MYB: variants seen among roughly 807,000 people sequenced by gnomAD.
MYB encodes the protein transcriptional activator Myb.
MYB carries 28 observed loss-of-function variants against 92.9 expected under a neutral mutation model. The observed-to-expected ratio is 0.30, with a 90% CI of 0.22 to 0.41. The LOEUF (loss-of-function observed/expected upper bound fraction) is 0.41. MYB is among the 10% of genes least tolerant of loss of function. The pLI, the probability that MYB is intolerant of heterozygous loss-of-function variation, is 1.00. For synonymous variants in MYB, 295 were observed against 329.1 expected (o/e 0.90, Z 1.12); for missense variants, 679 against 929.3 (o/e 0.73, Z 3.50).
chr6:135,186,054 G>T (rs1775861621), intron 2 of MYB, 34 bp downstream of exon 2: 1 of 1,571,424 alleles, frequency 6.4e-7, no homozygotes, highest in Non-Finnish European at 8.8e-7. Flanking sequence ...GCAGAAAATA[G>T]ATAGAGTGTA....
intron 3 of MYB, among the ~76,000 whole-genome samples, chr6:135,188,684 A>G (rs1055589576): frequency 7.3e-5 from 11 of 151,422 alleles, no homozygotes; most frequent in Non-Finnish European, 1.3e-4. Context: ...TAATTTTTGT[A>G]TTTTTAGTAG....
At chr6:135,217,431 C>CAT (rs1393011835) in intron 15 of MYB, among the ~76,000 whole-genome samples, 1 of 151,840 alleles carries the variant, frequency 6.6e-6, no homozygotes, top group African/African-American at 2.4e-5. Flanking sequence ...TTGATGAAAA[C>CAT]ATATATATGA....
chr6:135,200,604 A>T, intron 13 of MYB, 189 bp downstream of exon 13: 1 of 754,854 alleles, frequency 1.3e-6, no homozygotes, highest in Non-Finnish European at 2.3e-6. Context: ...TGGGAAGCCA[A>T]GCCATCTCTA....
At position 135,201,747 on chromosome 6, in the gene MYB, C is replaced by T. The variant is rs772026403; in HGVS notation, c.2059C>T (p.Pro687Ser). 25 of 1,474,472 alleles carry T rather than the reference C, an allele frequency of 1.7e-5. No individual in the cohort carries two copies. Among genetic ancestry groups the T allele is most frequent in the African/African-American group, 7.1e-5 (5 of 70,188 alleles). The allele number at this position is 1,474,472 out of a possible 1,614,324, so 91.3% of individuals were successfully genotyped here. ...GCAGACCTCGCCTGTGGCAGATGCA[C>T]CGGTAAGTACGTGTGCACCAGCCCC... ...FTQTSPVADAPNILTSSVLMA... is the reference protein window; with the variant it reads ...FTQTSPVADASNILTSSVLMA... Residue 687 changes from proline to serine, a missense_variant and splice_region_variant, in exon 14 of 16, where the codon CCG (proline) becomes TCG (serine). Around this residue, in one of 8 missense-constraint regions of MYB, gnomAD observed 402 missense variants for 434.2 expected, o/e 0.93. Coordinates refer to ENST00000341911, the MANE Select transcript of MYB (RefSeq NM_001130173.2).
At chr6:135,196,430 T>A (rs55936401) in intron 9 of MYB, among the ~76,000 whole-genome samples, 2 of 152,214 alleles carry the variant, frequency 1.3e-5, no homozygotes, top group East Asian at 3.8e-4. Flanking sequence ...ACATTAATGA[T>A]TTGGCTTACT....
chr6:135,193,618 A>G (rs1776910962), intron 6 of MYB, among the ~76,000 whole-genome samples: 1 of 152,182 alleles, frequency 6.6e-6, no homozygotes, highest in Non-Finnish European at 1.5e-5. Context: ...GTGCTCATCA[A>G]CACCTCCCAA....
Position 135,200,115 on chromosome 6 carries a change from C to A in MYB, c.1740C>A (p.Ile580=). Residue 580 remains isoleucine, a synonymous_variant, in exon 12 of 16, where the codon ATC becomes ATA. Transcript: ENST00000341911. ...VFRTPAIKRS[I]LESSPRTPTP... ...GAACCCCAGCTATCAAAAGGTCAAT[C>A]TTAGAAAGCTCTCCAAGAACTCCTA... The A allele has an allele frequency of 6.2e-7, 1 of 1,614,124 alleles. No homozygotes were observed. The highest frequency in any genetic ancestry group is 8.5e-7 in the Non-Finnish European group (1 of 1,179,988).
At position 135,217,878 on chromosome 6, in the gene MYB, C is replaced by G. The variant is rs368485738; in HGVS notation, c.2184C>G (p.Thr728=). The G allele has an allele frequency of 2.7e-5, 43 of 1,611,578 alleles. 1 individual carries two copies. Among genetic ancestry groups the G allele is most frequent in the African/African-American group, 2.4e-4 (18 of 74,826 alleles). The change falls in exon 16 of 16, where the codon ACC becomes ACG. Residue 728 remains threonine (T), a synonymous_variant. Transcript: ENST00000341911. ...LASPLQPCSS[T]WEPASCGKME... ...TTCTCCATCAGCCTTGTAGCAGTAC[C>G]TGGGAACCTGCATCCTGTGGAAAGA...
At chr6:135,210,379 A>G (rs184229877) in intron 15 of MYB, among the ~76,000 whole-genome samples, 1 of 152,174 alleles carries the variant, frequency 6.6e-6, no homozygotes, top group Non-Finnish European at 1.5e-5. Context: ...CCATGGCCTG[A>G]CTTTTTTAAA....
intron 15 of MYB, chr6:135,203,962 G>A: frequency 9.4e-7 from 1 of 1,067,164 alleles, no homozygotes; most frequent in Non-Finnish European, 1.2e-6. Context: ...ATGTAAATAA[G>A]AATGCAAATT....
intron 8 of MYB, 27 bp from the exon 9 acceptor site, chr6:135,195,721 A>C: frequency 6.2e-7 from 1 of 1,609,478 alleles, no homozygotes; most frequent in Non-Finnish European, 8.5e-7. Flanking sequence ...TCCTCTCTTT[A>C]TTTCTACACC....
At chr6:135,215,883 CCT>C (rs1408284558) in intron 15 of MYB, among the ~76,000 whole-genome samples, 2 of 152,172 alleles carry the variant, frequency 1.3e-5, no homozygotes, top group Non-Finnish European at 2.9e-5. Context: ...TATTATTCCT[CCT>C]GTTTCACCTG....
Position 135,181,553 on chromosome 6 carries a change from C to A in MYB, c.23+17C>A. On this transcript the variant is annotated intron_variant, in intron 1 of 15. Coordinates refer to ENST00000341911, the MANE Select transcript of MYB (RefSeq NM_001130173.2). This position sits in a 1 kb window ranked among gnomAD's most constrained non-coding sequence, Gnocchi z 5.3. ...CCGGCACAGGTAACGGGGAGCCGGG[C>A]GGGCGGCCGAGGGCGGGGGCGCGCG... 8.6e-7 allele frequency: 1 copy of A among 1,162,050 alleles called. No individual in the cohort carries two copies. Among genetic ancestry groups the A allele is most frequent in the Non-Finnish European group, 1.1e-6 (1 of 942,960 alleles). The allele number at this position is 1,162,050 out of a possible 1,614,324, so 72.0% of individuals were successfully genotyped here. A position where few individuals can be genotyped will look rare whatever the true frequency, so the allele number is the denominator to read the frequency against.
At chr6:135,200,447 T>G (rs769929418) in intron 13 of MYB, 32 bp downstream of exon 13, 5 of 1,613,268 alleles carry the variant, frequency 3.1e-6, no homozygotes, top group Non-Finnish European at 4.2e-6. Context: ...AGCAACAAGC[T>G]GAGAATCCTG....
At chr6:135,196,806 A>G (rs759546547) in intron 9 of MYB, 155 bp from the exon 10 acceptor site, 2 of 1,572,280 alleles carry the variant, frequency 1.3e-6, no homozygotes, top group South Asian at 1.1e-5. Flanking sequence ...CTACTGCAGT[A>G]TAATAGAGCA....
In MYB at chr6:135,218,653, T is replaced by C. The variant is rs1327885452; in HGVS notation, c.*673T>C. 1 of 190,702 alleles carries C rather than the reference T, an allele frequency of 5.2e-6. No individual in the cohort carries two copies. Among genetic ancestry groups the C allele is most frequent in the African/African-American group, 2.3e-5 (1 of 42,926 alleles). 11.8% of individuals were successfully genotyped at this position (190,702 alleles called of 1,614,324 possible). ...GTTTTTTGCTGCTATGGTCTTAGCC[T>C]GTAGACATGCTGCTAGTATCAGAGG... On this transcript the variant is annotated 3_prime_UTR_variant, in exon 16 of 16. Coordinates refer to ENST00000341911, the MANE Select transcript of MYB (RefSeq NM_001130173.2).
Position 135,181,421 on chromosome 6 carries a change from CCG to C in MYB, c.-92_-91del. ...AGCGGTGCGGAGCGCCGCTGCGCAG[CCG>C]GGGAGGGACGCAGGCAGGCGGCGGG... On this transcript the variant is annotated 5_prime_UTR_variant, in exon 1 of 16. Transcript: ENST00000341911. The surrounding 1 kb of genome is among the most constrained non-coding windows in gnomAD (Gnocchi z 5.3). 1.1e-6 allele frequency: 1 copy of C among 912,046 alleles called. No homozygotes were observed. Among genetic ancestry groups the C allele is most frequent in the Non-Finnish European group, 1.4e-6 (1 of 731,086 alleles). 56.5% of individuals were successfully genotyped at this position (912,046 alleles called of 1,614,324 possible).
chr6:135,214,640 A>G (rs1312650037), intron 15 of MYB, among the ~76,000 whole-genome samples: 4 of 152,220 alleles, frequency 2.6e-5, no homozygotes, highest in Admixed American at 6.5e-5. Context: ...CGTACTTCAT[A>G]TTCACCATAT....
intron 5 of MYB, 119 bp from the exon 6 acceptor site, chr6:135,192,199 TAAAAAG>T: frequency 1.4e-6 from 1 of 740,052 alleles, no homozygotes; most frequent in Non-Finnish European, 2.3e-6. Flanking sequence ...AGGAAACAAT[TAAAAAG>T]AGAAAACAAC....
Sources: allele counts gnomAD v4.1 joint callset (sites outside exome capture counted in the v4.1 genomes callset), GRCh38; gene constraint gnomAD v4.1.1; regional missense constraint gnomAD v4.1.1; non-coding constraint Gnocchi (gnomAD v3.1); transcripts MANE v1.5; gene names NCBI Gene and HGNC (gene_info 2026-07-23, HGNC 2026-07-21).